The following PSG1 variants were observed in gnomAD, a reference collection of about 807,000 sequenced individuals.
PSG1 encodes the protein pregnancy-specific beta-1-glycoprotein 1.
Under a neutral mutation model 41.4 loss-of-function variants are expected in PSG1, and 60 were observed. The observed-to-expected ratio is 1.45, with a 90% CI of 1.18 to 1.80. The LOEUF is 1.80. PSG1 is among the 40% of genes most tolerant of loss of function. PSG1 has a pLI of 0.00. For synonymous variants in PSG1, 256 were observed against 192.9 expected (o/e 1.33, Z -2.71); for missense variants, 806 against 516.9 (o/e 1.56, Z -5.42).
At chr19:42,873,077 G>T (rs574397510) in intron 2 of PSG1, among the ~76,000 whole-genome samples, 1 of 151,562 alleles carries the variant, frequency 6.6e-6, no homozygotes, top group Non-Finnish European at 1.5e-5. Context: ...TAGTTTGCAG[G>T]AGCTGGGATC....
rs924861753 is a variant in PSG1 at position 42,877,175 on chromosome 19, C to T, written c.430+738G>A. ...TGAGAAAGCACCTTTACGTCAGATC[C>T]CTGTGGACAAGCTGCTACCTGGTAC... is the stretch of plus-strand genomic sequence containing the variant. On this transcript the variant is annotated intron_variant, in intron 2 of 5. Transcript: ENST00000436291. 5.3e-4 allele frequency among the ~76,000 whole-genome samples: 80 copies of T among 151,556 alleles called. 1 individual carries two copies. The highest frequency in any genetic ancestry group is 1.9e-3 in the African/African-American group (78 of 41,212).
At chr19:42,872,068 A>G in intron 2 of PSG1, 23 bp from the exon 3 acceptor site, 2 of 1,599,642 alleles carry the variant, frequency 1.3e-6, no homozygotes, top group African/African-American at 1.3e-5. Flanking sequence ...CAGGGTGAAG[A>G]TTGCCGTGTG....
intron 4 of PSG1, among the ~76,000 whole-genome samples, 178 bp from the exon 5 acceptor site, chr19:42,868,533 C>T (rs1435461318): frequency 2.0e-5 from 3 of 151,434 alleles, no homozygotes; most frequent in Non-Finnish European, 4.4e-5. Flanking sequence ...CCATCACAAG[C>T]TGTGGGCCCC....
chr19:42,871,108 C>T (rs1971363402), intron 3 of PSG1, among the ~76,000 whole-genome samples: 1 of 151,606 alleles, frequency 6.6e-6, no homozygotes, highest in Non-Finnish European at 1.5e-5. Context: ...ATCCACTTAC[C>T]AGGGACTATG....
At chr19:42,877,709 C>A (rs1971668893) in intron 2 of PSG1, among the ~76,000 whole-genome samples, 1 of 151,722 alleles carries the variant, frequency 6.6e-6, no homozygotes, top group Admixed American at 6.6e-5. Flanking sequence ...CAGCGAGTGT[C>A]TGCAGGGTCT....
intron 5 of PSG1, chr19:42,867,896 G>A: frequency 6.9e-7 from 1 of 1,458,238 alleles, no homozygotes; most frequent in Non-Finnish European, 9.3e-7. Context: ...CTTGGTCTAG[G>A]CTGGGAATAT....
intron 3 of PSG1, chr19:42,870,725 A>G (rs1971347087): frequency 1.3e-5 from 2 of 151,636 alleles, no homozygotes; most frequent in Admixed American, 6.6e-5. Flanking sequence ...GATTCTTCCA[A>G]TCCATGAAAA....
chr19:42,878,967 A>G (rs1459628094), intron 1 of PSG1, among the ~76,000 whole-genome samples: 1 of 151,066 alleles, frequency 6.6e-6, no homozygotes, highest in Non-Finnish European at 1.5e-5. Context: ...CATCTGCTAT[A>G]GTTATTATTA....
intron 5 of PSG1, 157 bp downstream of exon 5, chr19:42,867,944 T>C: frequency 1.3e-6 from 2 of 1,560,662 alleles, no homozygotes; most frequent in Non-Finnish European, 1.7e-6. Flanking sequence ...GTTTTCGAAG[T>C]TCTTAGACAA....
At chr19:42,867,507 TTCTA>T (rs1299150650) in intron 5 of PSG1, 8 of 595,576 alleles carry the variant, frequency 1.3e-5, no homozygotes, top group South Asian at 6.6e-5. Flanking sequence ...TATTGGTTCA[TTCTA>T]TCTATGTTTT....
At chr19:42,873,663 G>T (rs550741482) in intron 2 of PSG1, among the ~76,000 whole-genome samples, 7 of 151,806 alleles carry the variant, frequency 4.6e-5, no homozygotes, top group African/African-American at 1.4e-4. Flanking sequence ...GATGCCAAAG[G>T]TGATTTGAAA....
In PSG1 at chr19:42,878,064, A is replaced by C. The variant is rs746225914; in HGVS notation, c.279T>G (p.Pro93=). 4 of 1,612,364 alleles carry C rather than the reference A, an allele frequency of 2.5e-6. No homozygotes were observed. In the South Asian group the frequency reaches 4.4e-5, roughly 18 times the overall value. The change falls in exon 2 of 6, where the codon CCT becomes CCG. Residue 93 remains proline, a synonymous_variant. Transcript: ENST00000436291. ...ATGCTGTTTCTCGTCCACTATATGC[A>C]GGCCCATATATAATTATTTCACCGT... ...VVDGEIIIYG[P]AYSGRETAYS... is the part of the protein sequence containing the mutation.
rs994476630 is a variant in PSG1 at position 42,873,471 on chromosome 19, A to G, written c.431-1426T>C. Among the ~76,000 whole-genome samples the G allele has an allele frequency of 2.0e-5, 3 of 151,758 alleles. 1 individual carries two copies. The highest frequency in any genetic ancestry group is 2.4e-5 in the African/African-American group (1 of 41,396). ...TTGTCAGGAGTTTAGACCTCATGTT[A>G]TATTCTGACTCTAGTAACAAAAAAA... On this transcript the variant is annotated intron_variant, in intron 2 of 5. Transcript: ENST00000436291.
At position 42,868,478 on chromosome 19, in the gene PSG1, C is replaced by A. The variant is rs548175794; in HGVS notation, c.989-123G>T. Reference sequence around the variant, plus strand: ...CACCCTCAAGTCCCAGCCCAACCCCCTCTATGTTCACTGAGCCGAATCCTG... The same window carrying A: ...CACCCTCAAGTCCCAGCCCAACCCCATCTATGTTCACTGAGCCGAATCCTG... On this transcript the variant is annotated intron_variant, in intron 4 of 5. Coordinates refer to ENST00000436291, the MANE Select transcript of PSG1 (RefSeq NM_001184825.2). 8 of 1,483,472 alleles carry A rather than the reference C, an allele frequency of 5.4e-6. No homozygotes were observed. In the African/African-American group the frequency reaches 1.1e-4, roughly 21 times the overall value. 91.9% of individuals were successfully genotyped at this position (1,483,472 alleles called of 1,614,324 possible).
rs145694802 is a variant in PSG1 at position 42,868,102 on chromosome 19, A to G, written c.1242T>C (p.Ser414=). ...ESSKSMTVEV[S]DWTVP is the part of the protein sequence containing the mutation. ...CCAACGATGCTGGGATCCACTTACC[A>G]GAGACTTCGACTGTCATGGATTTGG... is the stretch of plus-strand genomic sequence containing the variant. The change falls in exon 5 of 6, where the codon TCT becomes TCC. Residue 414 remains serine (S), a splice_region_variant and synonymous_variant. Coordinates refer to ENST00000436291, the MANE Select transcript of PSG1 (RefSeq NM_001184825.2). 3.1e-6 allele frequency: 5 copies of G among 1,612,226 alleles called. No individual in the cohort carries two copies. Among genetic ancestry groups the G allele is most frequent in the African/African-American group, 1.3e-5 (1 of 74,684 alleles).
At position 42,867,431 on chromosome 19, in the gene PSG1, T is replaced by A. The variant is rs973258347; in HGVS notation, c.1244-281A>T. ...TTTTTATAAGGAATCTGAGATTAAA[T>A]CTTCACAAACCTCTTGAGAATAGGA... On this transcript the variant is annotated intron_variant, in intron 5 of 5. Coordinates refer to ENST00000436291, the MANE Select transcript of PSG1 (RefSeq NM_001184825.2). 4 of 577,256 alleles carry A rather than the reference T, an allele frequency of 6.9e-6. No individual in the cohort carries two copies. The Admixed American group carries it at 9.7e-5, about 14-fold the overall frequency. 35.8% of individuals were successfully genotyped at this position (577,256 alleles called of 1,614,324 possible).
rs1341295697 is a variant in PSG1, at chr19:42,867,079, G to A, written c.*55C>T. On this transcript the variant is annotated 3_prime_UTR_variant, in exon 6 of 6. Coordinates refer to ENST00000436291, the MANE Select transcript of PSG1 (RefSeq NM_001184825.2). ...TTATAGGGCTTCTGGAACAGAGTGG[G>A]TCTTGCTCTTAGTGATTCCATGGGA... The A allele has an allele frequency of 3.9e-6, 3 of 772,634 alleles. No homozygotes were observed. Among genetic ancestry groups the A allele is most frequent in the Non-Finnish European group, 7.2e-6 (3 of 417,574 alleles). 47.9% of individuals were successfully genotyped at this position (772,634 alleles called of 1,614,324 possible).
chr19:42,873,037 G>T (rs2122527112), intron 2 of PSG1, among the ~76,000 whole-genome samples: 1 of 151,712 alleles, frequency 6.6e-6, no homozygotes, highest in East Asian at 1.9e-4. Flanking sequence ...GATATCAGTG[G>T]ATTCCAGAGT....
chr19:42,866,847 G>A lies in PSG1; in HGVS notation c.*287C>T, dbSNP rs1268208955. 8.1e-6 allele frequency: 5 copies of A among 620,068 alleles called. 1 individual carries two copies. Among genetic ancestry groups the A allele is most frequent in the African/African-American group, 5.5e-5 (3 of 54,666 alleles). The allele number at this position is 620,068 out of a possible 1,614,324, so 38.4% of individuals were successfully genotyped here. On this transcript the variant is annotated 3_prime_UTR_variant, in exon 6 of 6. Transcript: ENST00000436291. ...CAGGCATGAGCAAGGACAGTTAAGAGGGGGGAGAGCCTCATCATGATGGGG... is the reference window on the plus strand; with the variant it reads ...CAGGCATGAGCAAGGACAGTTAAGAAGGGGGAGAGCCTCATCATGATGGGG...
Sources: gnomAD v4.1 joint callset for allele counts (sites outside exome capture counted in the v4.1 genomes callset) on GRCh38, gnomAD v4.1.1 for gene constraint, MANE v1.5 for transcripts, NCBI Gene and HGNC (gene_info 2026-07-23, HGNC 2026-07-21) for gene names.